LEMD3: variants seen among roughly 807,000 people sequenced by gnomAD.
LEMD3 encodes the protein LEM domain containing 3.
Under a neutral mutation model 95.2 loss-of-function variants are expected in LEMD3, and 33 were observed. That is an observed-to-expected ratio of 0.35 (90% CI 0.26 to 0.46). LEMD3 has a LOEUF of 0.46. Ranked by LOEUF, LEMD3 falls within the 20% of genes least tolerant of loss-of-function variation. LEMD3 has a pLI of 1.00. For missense variants in LEMD3, 1,210 were observed against 1,192.8 expected (o/e 1.01, Z -0.21); for synonymous variants, 525 against 474.6 (o/e 1.11, Z -1.38).
At chr12:65,243,264 C>G in intron 9 of LEMD3, 124 bp from the exon 10 acceptor site, 1 of 692,742 alleles carries the variant, frequency 1.4e-6, no homozygotes, top group South Asian at 1.6e-5. Flanking sequence ...ACCTTAACAT[C>G]TAACCAGGGG....
intron 1 of LEMD3, among the ~76,000 whole-genome samples, chr12:65,207,434 A>T (rs1356337360): frequency 6.6e-6 from 1 of 150,492 alleles, no homozygotes; most frequent in African/African-American, 2.4e-5. Flanking sequence ...GATTCTGAGA[A>T]GGGGGATTCT....
chr12:65,207,755 T>C lies in LEMD3; in HGVS notation c.1523-3171T>C, dbSNP rs542588599. On this transcript the variant is annotated intron_variant, in intron 1 of 12. Transcript: ENST00000308330. ...CTCATAAATAGCATATCCTTTATTC[T>C]CCAAATGCTTAGGACTCTTAAACTA... Among the ~76,000 whole-genome samples, 27 of 152,318 alleles carry C rather than the reference T, an allele frequency of 1.8e-4. 1 individual carries two copies. Among genetic ancestry groups the C allele is most frequent in the African/African-American group, 6.5e-4 (27 of 41,586 alleles).
At chr12:65,182,006 A>T (rs1868920904) in intron 1 of LEMD3, among the ~76,000 whole-genome samples, 1 of 151,874 alleles carries the variant, frequency 6.6e-6, no homozygotes, top group Admixed American at 6.6e-5. Flanking sequence ...TGAGCATTTT[A>T]TTTTAATTTT....
chr12:65,194,811 AT>A (rs1327031124), intron 1 of LEMD3, among the ~76,000 whole-genome samples: 3 of 146,522 alleles, frequency 2.0e-5, no homozygotes, highest in Admixed American at 6.9e-5. Flanking sequence ...TATTATCTTA[AT>A]TATACTTTAG....
At chr12:65,205,706 A>G (rs531711880) in intron 1 of LEMD3, among the ~76,000 whole-genome samples, 1 of 152,228 alleles carries the variant, frequency 6.6e-6, no homozygotes, top group African/African-American at 2.4e-5. Context: ...CCTTCTCTTT[A>G]ACTGATTATC....
At chr12:65,223,299 AT>A (rs35145654) in intron 4 of LEMD3, among the ~76,000 whole-genome samples, 10,803 of 118,606 alleles carry the variant, frequency 0.091, 259 homozygotes, top group East Asian at 0.26. Context: ...TCATGTGATG[AT>A]TTTTTTTTTT....
rs1305338320 is a variant in LEMD3 at position 65,170,802 on chromosome 12, C to T, written c.1206C>T (p.Ser402=). ...GCGGTGGGGCCTTCAGTGTGGACTC[C>T]CCCAGGATTTATTCTAACAGTCTCC... ...HIGGGAFSVD[S]PRIYSNSLPP... is the part of the protein sequence containing the mutation. Residue 402 remains serine, a synonymous_variant, in exon 1 of 13, where the codon TCC becomes TCT. Transcript: ENST00000308330. The T allele has an allele frequency of 1.9e-6, 3 of 1,614,034 alleles. No individual in the cohort carries two copies. Among genetic ancestry groups the T allele is most frequent in the East Asian group, 2.2e-5 (1 of 44,886 alleles).
chr12:65,170,700 GC>G lies in LEMD3; in HGVS notation c.1109del (p.Pro370ArgfsTer18). ...ACGCTAAGAAACTGACCCCTCTCCT[GC>G]CCCCGCCACTTACTGACATGGACTC... The part of the protein sequence containing the change: ...VNAKKLTPLL[P>X]PPLTDMDSTL... On this transcript the variant is annotated frameshift_variant, in exon 1 of 13. Transcript: ENST00000308330. LOFTEE classifies it high-confidence loss of function. The G allele has an allele frequency of 6.2e-7, 1 of 1,614,144 alleles. No individual in the cohort carries two copies. The highest frequency in any genetic ancestry group is 8.5e-7 in the Non-Finnish European group (1 of 1,180,018).
intron 1 of LEMD3, among the ~76,000 whole-genome samples, chr12:65,188,812 T>C (rs893456546): frequency 1.3e-5 from 2 of 152,158 alleles, no homozygotes; most frequent in Non-Finnish European, 1.5e-5. Context: ...ATCTTATTTT[T>C]GTTGCTCTAA....
At chr12:65,235,726 C>A (rs972908671) in intron 4 of LEMD3, among the ~76,000 whole-genome samples, 1 of 152,148 alleles carries the variant, frequency 6.6e-6, no homozygotes, top group East Asian at 1.9e-4. Flanking sequence ...ATCCTGGAAC[C>A]AATCCTCTGT....
chr12:65,214,982 C>T (rs554738612), intron 2 of LEMD3, among the ~76,000 whole-genome samples: 249 of 152,284 alleles, frequency 1.6e-3, no homozygotes, highest in African/African-American at 5.9e-3. Flanking sequence ...GCTTCCGAGC[C>T]AGCCTATACA....
intron 8 of LEMD3, among the ~76,000 whole-genome samples, 167 bp downstream of exon 8, chr12:65,240,405 C>A (rs559558080): frequency 1.6e-4 from 25 of 152,210 alleles, no homozygotes; most frequent in Non-Finnish European, 3.2e-4. Flanking sequence ...TTTCTAAATT[C>A]TCTTCCATTC....
intron 4 of LEMD3, among the ~76,000 whole-genome samples, chr12:65,224,546 G>A (rs1870391729): frequency 6.6e-6 from 1 of 151,874 alleles, no homozygotes; most frequent in Admixed American, 6.6e-5. Context: ...TTGGTTGGCA[G>A]TTGTTTTCTT....
intron 1 of LEMD3, among the ~76,000 whole-genome samples, chr12:65,199,239 A>G (rs1281287097): frequency 6.6e-6 from 1 of 152,148 alleles, no homozygotes; most frequent in Non-Finnish European, 1.5e-5. Context: ...TGCTCTATAA[A>G]GATATCGGAA....
chr12:65,227,137 T>C (rs949015009), intron 4 of LEMD3, among the ~76,000 whole-genome samples: 1 of 152,136 alleles, frequency 6.6e-6, no homozygotes, highest in Non-Finnish European at 1.5e-5. Flanking sequence ...AAAAAGGGAT[T>C]GGATTGAGGC....
intron 10 of LEMD3, chr12:65,245,297 A>ATTT (rs531377376): frequency 2.2e-4 from 38 of 170,242 alleles, no homozygotes; most frequent in South Asian, 5.7e-4. Flanking sequence ...CGCCTGGCTA[A>ATTT]TTTTTTTTTT....
intron 1 of LEMD3, among the ~76,000 whole-genome samples, chr12:65,192,016 A>G (rs1310178328): frequency 1.3e-5 from 2 of 151,982 alleles, no homozygotes; most frequent in African/African-American, 4.8e-5. Context: ...ATACTTGATT[A>G]AAGTAGATCA....
rs118078734 is a variant in LEMD3 at position 65,178,084 on chromosome 12, G to A, written c.1522+6966G>A. 4.8e-3 allele frequency among the ~76,000 whole-genome samples: 737 copies of A among 151,974 alleles called. 3 individuals carry two copies. The highest frequency in any genetic ancestry group is 8.2e-3 in the Non-Finnish European group (556 of 67,948). On this transcript the variant is annotated intron_variant, in intron 1 of 12. Transcript: ENST00000308330. ...TGGTCTTGAACTCCTGGGCTCAAGC[G>A]ATCCTGTCACCTTCGCCTCCCAAAG...
chr12:65,238,002 C>T (rs1870820509), intron 4 of LEMD3, among the ~76,000 whole-genome samples: 1 of 152,196 alleles, frequency 6.6e-6, no homozygotes, highest in Admixed American at 6.5e-5. Context: ...GGCGCAGTGG[C>T]TCATGACTGT....
Sources: gnomAD v4.1 joint callset for allele counts (sites outside exome capture counted in the v4.1 genomes callset) on GRCh38, gnomAD v4.1.1 for gene constraint, MANE v1.5 for transcripts, NCBI Gene and HGNC (gene_info 2026-07-23, HGNC 2026-07-21) for gene names.